Variants in APBA2 observed in about 807,000 individuals in gnomAD.
APBA2 encodes the protein amyloid-beta A4 precursor protein-binding family A member 2.
A neutral mutation model predicts 75.0 loss-of-function variants in APBA2; 30 were observed. The ratio of observed to expected loss-of-function variants is 0.40; its 90% CI spans 0.30 to 0.54. The LOEUF is 0.54. APBA2 is among the 20% of genes least tolerant of loss of function. The pLI, the probability that APBA2 is intolerant of heterozygous loss-of-function variation, is 0.49. For missense variants in APBA2, 801 were observed against 1,016.1 expected, an observed-to-expected ratio of 0.79 and a Z score of 2.88; for synonymous variants, 444 against 409.6, an observed-to-expected ratio of 1.08 and a Z score of -1.01.
At chr15:29,079,425 A>C (rs981818364) in intron 6 of APBA2, among the ~76,000 whole-genome samples, 4 of 152,126 alleles carry the variant, frequency 2.6e-5, no homozygotes, top group Admixed American at 6.5e-5. Context: ...ATGCTTCTGA[A>C]TATCTAGTTG....
chr15:28,934,027 A>C (rs80209974), intron 2 of APBA2, among the ~76,000 whole-genome samples: 2,490 of 152,084 alleles, frequency 0.016, 63 homozygotes, highest in African/African-American at 0.057. Flanking sequence ...TGCACACGGG[A>C]AAACAAGGCA....
At chr15:29,039,098 GGTGTGT>G (rs57326919) in intron 3 of APBA2, among the ~76,000 whole-genome samples, 10,148 of 106,142 alleles carry the variant, frequency 0.096, 443 homozygotes, top group East Asian at 0.17. Flanking sequence ...TGTATGTCAG[GGTGTGT>G]GTGTGTGTGT....
In APBA2 at chr15:28,949,418, C is replaced by T. The variant is rs71469191; in HGVS notation, c.-95+27669C>T. Among the ~76,000 whole-genome samples, 807 of 152,268 alleles carry T rather than the reference C, an allele frequency of 5.3e-3. 4 individuals are homozygous for T. The highest frequency in any genetic ancestry group is 0.014 in the Middle Eastern group (4 of 294). On this transcript the variant is annotated intron_variant, in intron 2 of 14. Transcript: ENST00000683413. ...GGATGCGTTAACCAGCCAGTTCCTA[C>T]GCATCACGGAGGAGAGGTGCCTGCC...
intron 3 of APBA2, among the ~76,000 whole-genome samples, chr15:29,001,014 C>T (rs1472293520): frequency 1.3e-5 from 2 of 152,064 alleles, no homozygotes; most frequent in South Asian, 2.1e-4. Flanking sequence ...TTTATCTTCA[C>T]AGACGAGGCT....
In APBA2 at chr15:29,039,098, G is replaced by GGTGTGTGTGTGTGTGT. The variant is rs57326919; in HGVS notation, c.-40-14704_-40-14689dup. 1.9e-4 allele frequency among the ~76,000 whole-genome samples: 20 copies of GGTGTGTGTGTGTGTGT among 106,294 alleles called. 2 individuals carry two copies. The highest frequency in any genetic ancestry group is 3.9e-4 in the South Asian group (1 of 2,562). The allele number at this position is 106,294 out of a possible 152,430, so 69.7% of individuals were successfully genotyped here. A position where few individuals can be genotyped will look rare whatever the true frequency, so the allele number is the denominator to read the frequency against. ...CAGCCTTATTTCAGCTGTATGTCAG[G>GGTGTGTGTGTGTGTGT]GTGTGTGTGTGTGTGTGTGTGTGTG... On this transcript the variant is annotated intron_variant, in intron 3 of 14. Transcript: ENST00000683413.
chr15:29,097,375 T>C (rs974549810), intron 8 of APBA2, among the ~76,000 whole-genome samples: 1 of 152,218 alleles, frequency 6.6e-6, no homozygotes, highest in South Asian at 2.1e-4. Context: ...CTGGCCCTCC[T>C]CCCTCCCAGG....
chr15:29,022,644 G>A (rs1399160707), intron 3 of APBA2, among the ~76,000 whole-genome samples: 1 of 152,110 alleles, frequency 6.6e-6, no homozygotes, highest in African/African-American at 2.4e-5. Context: ...TCTTCTGCTG[G>A]TCTATTTGTA....
intron 8 of APBA2, among the ~76,000 whole-genome samples, chr15:29,095,351 C>T (rs558733319): frequency 1.8e-4 from 28 of 151,854 alleles, no homozygotes; most frequent in Admixed American, 1.5e-3. Flanking sequence ...ATCACTTGAA[C>T]TCGGGAGGCA....
chr15:28,899,431 C>T (rs923881430), intron 1 of APBA2, among the ~76,000 whole-genome samples: 16 of 152,226 alleles, frequency 1.1e-4, no homozygotes, highest in African/African-American at 2.7e-4. Flanking sequence ...CTTTGTCTGA[C>T]GACTGTTGAC....
At chr15:29,058,512 C>CA (rs1205514669) in intron 4 of APBA2, among the ~76,000 whole-genome samples, 223 of 144,276 alleles carry the variant, frequency 1.5e-3, no homozygotes, top group African/African-American at 4.7e-3. Flanking sequence ...CTCCCACCTC[C>CA]AAAAAAAAAA....
rs1257356215 is a variant in APBA2 at position 29,074,944 on chromosome 15, A to G, written c.975A>G (p.Pro325=). 2 of 1,614,188 alleles carry G rather than the reference A, an allele frequency of 1.2e-6. No individual in the cohort carries two copies. Among genetic ancestry groups the G allele is most frequent in the South Asian group, 2.2e-5 (2 of 91,078 alleles). ...HEQVCNGLEQ[P]RKQQRSDLNG... ...AGGTTTGCAATGGTCTGGAGCAGCC[A>G]AGGAAGCAGCAGCGCTCTGATCTCA... is the stretch of plus-strand genomic sequence containing the variant. The change falls in exon 5 of 15, where the codon CCA becomes CCG. Residue 325 remains proline (P), a synonymous_variant. Coordinates refer to ENST00000683413, the MANE Select transcript of APBA2 (RefSeq NM_001353788.2).
chr15:29,106,756 C>G lies in APBA2; in HGVS notation c.1854C>G (p.Ile618Met). ...RSGKLSIGDQ[I>M]MSINGTSLVG... is the part of the protein sequence containing the mutation. ...GGAAGCTGAGCATCGGGGACCAGAT[C>G]ATGTCCATCAATGGCACCAGCCTGG... The change falls in exon 12 of 15, where the codon ATC becomes ATG. Residue 618 changes from isoleucine to methionine, a missense_variant. Ile to Met is a conservative substitution (Grantham distance 10). Coordinates refer to ENST00000683413, the MANE Select transcript of APBA2 (RefSeq NM_001353788.2). The G allele has an allele frequency of 6.2e-7, 1 of 1,613,068 alleles. No individual in the cohort carries two copies. Among genetic ancestry groups the G allele is most frequent in the Non-Finnish European group, 8.5e-7 (1 of 1,180,004 alleles).
intron 2 of APBA2, chr15:28,970,320 GATGTATGATGTA>G (rs1051151479): frequency 1.3e-5 from 2 of 150,520 alleles, no homozygotes; most frequent in African/African-American, 4.9e-5. Flanking sequence ...AGCATGTAGT[GATGTATGATGTA>G]ATGTATGATA....
intron 1 of APBA2, among the ~76,000 whole-genome samples, chr15:28,917,521 C>T (rs1395284043): frequency 6.6e-6 from 1 of 151,774 alleles, no homozygotes; most frequent in Non-Finnish European, 1.5e-5. Flanking sequence ...TTTTTTTCAG[C>T]AGTTTTAGGT....
At chr15:29,099,049 A>AC (rs991615015) in intron 9 of APBA2, among the ~76,000 whole-genome samples, 1 of 151,446 alleles carries the variant, frequency 6.6e-6, no homozygotes, top group Non-Finnish European at 1.5e-5. Flanking sequence ...TGTGTCCTGC[A>AC]CCCCCCTACC....
At chr15:29,045,103 C>CTCTCTCTCTCTTTCTT (rs57446098) in intron 3 of APBA2, among the ~76,000 whole-genome samples, 10 of 140,408 alleles carry the variant, frequency 7.1e-5, no homozygotes, top group African/African-American at 2.5e-4. Flanking sequence ...CTCTCTCTCT[C>CTCTCTCTCTCTTTCTT]GTCTCGCACT....
chr15:29,105,673 C>A, intron 11 of APBA2, 115 bp downstream of exon 11: 1 of 1,162,748 alleles, frequency 8.6e-7, no homozygotes, highest in Non-Finnish European at 1.3e-6. Context: ...TCCTATCAGA[C>A]TCCAGTGGGG....
intron 3 of APBA2, among the ~76,000 whole-genome samples, chr15:29,011,696 T>C (rs1354870879): frequency 6.6e-6 from 1 of 152,246 alleles, no homozygotes; most frequent in Non-Finnish European, 1.5e-5. Flanking sequence ...TGTTATATCA[T>C]TTACTGAAAG....
At chr15:28,893,382 A>G (rs1291331218) in intron 1 of APBA2, among the ~76,000 whole-genome samples, 2 of 152,174 alleles carry the variant, frequency 1.3e-5, no homozygotes, top group African/African-American at 2.4e-5. Flanking sequence ...CCAGCCTCTT[A>G]CTGATTCTGG....
Sources: allele counts gnomAD v4.1 joint callset (sites outside exome capture counted in the v4.1 genomes callset), GRCh38; gene constraint gnomAD v4.1.1; transcripts MANE v1.5; gene names NCBI Gene and HGNC (gene_info 2026-07-23, HGNC 2026-07-21).